Variants in EML4 observed in about 807,000 individuals in gnomAD.
EML4 encodes the protein EMAP like 4, also known as echinoderm microtubule-associated protein-like 4.
A neutral mutation model predicts 129.0 loss-of-function variants in EML4; 72 were observed. The ratio of observed to expected loss-of-function variants is 0.56; its 90% confidence interval spans 0.46 to 0.68. The LOEUF is 0.68. EML4 is among the 30% of genes least tolerant of loss of function. The pLI, the probability that EML4 is intolerant of heterozygous loss-of-function variation, is 0.00. For synonymous variants in EML4, 532 were observed against 405.0 expected (o/e 1.31, Z -3.77); for missense variants, 1,363 against 1,190.6 (o/e 1.14, Z -2.13).
intron 1 of EML4, among the ~76,000 whole-genome samples, chr2:42,211,641 A>T (rs149991651): frequency 6.6e-6 from 1 of 152,168 alleles, no homozygotes; most frequent in African/African-American, 2.4e-5. Context: ...TGAAAACTTT[A>T]TCCTTCCCGG....
At chr2:42,207,792 TA>T (rs1453659897) in intron 1 of EML4, 1 of 152,214 alleles carries the variant, frequency 6.6e-6, no homozygotes, top group African/African-American at 2.4e-5. Context: ...AATGCAAATT[TA>T]TAATATTAAA....
rs769871659 is a variant in EML4, at chr2:42,261,301, A to T, written c.512+7A>T. On this transcript the variant is annotated splice_region_variant and intron_variant, in intron 4 of 22. Coordinates refer to ENST00000318522, the MANE Select transcript of EML4 (RefSeq NM_019063.5). Reference sequence around the variant, plus strand: ...ATGCTACTCCCACCAAAAGGTTTTAACTGTCCCCAAGTACAGAGCTAGGGA... The same window carrying T: ...ATGCTACTCCCACCAAAAGGTTTTATCTGTCCCCAAGTACAGAGCTAGGGA... 6.2e-7 allele frequency: 1 copy of T among 1,610,432 alleles called. No homozygotes were observed. Among genetic ancestry groups the T allele is most frequent in the African/African-American group, 1.3e-5 (1 of 74,836 alleles).
At chr2:42,247,544 C>G (rs990808342) in intron 2 of EML4, among the ~76,000 whole-genome samples, 1 of 151,984 alleles carries the variant, frequency 6.6e-6, no homozygotes, top group African/African-American at 2.4e-5. Flanking sequence ...TGATCTTTTT[C>G]ATTAGTGATA....
intron 18 of EML4, 39 bp from the exon 19 acceptor site, chr2:42,317,388 G>A: frequency 2.4e-6 from 3 of 1,233,538 alleles, no homozygotes; most frequent in Non-Finnish European, 3.5e-6. Flanking sequence ...AAATTTATCA[G>A]TATATTTCTC....
chr2:42,199,982 C>T (rs1672121979), intron 1 of EML4, among the ~76,000 whole-genome samples: 1 of 151,930 alleles, frequency 6.6e-6, no homozygotes, highest in Non-Finnish European at 1.5e-5. Flanking sequence ...ATGAGATGAA[C>T]AGTGGCCGGG....
At chr2:42,241,741 C>G (rs1265889156) in intron 1 of EML4, among the ~76,000 whole-genome samples, 1 of 152,080 alleles carries the variant, frequency 6.6e-6, no homozygotes, top group Admixed American at 6.6e-5. Context: ...ATAAAAGGCA[C>G]ATAAGGTGAG....
In EML4 at chr2:42,275,273, TC is replaced by T. The variant is rs148741768; in HGVS notation, c.668-5576del. Reference sequence around the variant, plus strand: ...TTACTTTTCCTTTCATACTAAGTCTTCAAAATCTGGTTTGTATATTTCCAGT... The same window carrying T: ...TTACTTTTCCTTTCATACTAAGTCTTAAAATCTGGTTTGTATATTTCCAGT... On this transcript the variant is annotated intron_variant, in intron 6 of 22. Transcript: ENST00000318522. 8.9e-4 allele frequency among the ~76,000 whole-genome samples: 135 copies of T among 152,308 alleles called. 1 individual carries two copies. Among genetic ancestry groups the T allele is most frequent in the African/African-American group, 2.9e-3 (122 of 41,560 alleles).
chr2:42,204,218 CCTAT>C (rs1251217214), intron 1 of EML4, among the ~76,000 whole-genome samples: 6 of 152,108 alleles, frequency 3.9e-5, no homozygotes, highest in East Asian at 1.9e-4. Flanking sequence ...CCATACCTGG[CCTAT>C]CTTTCTTTAA....
chr2:42,297,096 C>T (rs937444968), intron 13 of EML4, among the ~76,000 whole-genome samples: 1 of 152,166 alleles, frequency 6.6e-6, no homozygotes, highest in Non-Finnish European at 1.5e-5. Context: ...TTCTTAGCCT[C>T]TTTCGTTCAG....
At chr2:42,172,073 A>T (rs1313522913) in intron 1 of EML4, among the ~76,000 whole-genome samples, 1 of 150,976 alleles carries the variant, frequency 6.6e-6, no homozygotes, top group East Asian at 1.9e-4. Context: ...TTTTTTTTTT[A>T]AACAAGAAGT....
chr2:42,266,879 A>G (rs78065754), intron 6 of EML4, among the ~76,000 whole-genome samples: 3,976 of 152,292 alleles, frequency 0.026, 67 homozygotes, highest in Non-Finnish European at 0.041. Flanking sequence ...AAATTGAAAT[A>G]TAGTGGCATC....
intron 19 of EML4, among the ~76,000 whole-genome samples, chr2:42,322,271 A>G (rs1277158863): frequency 6.6e-6 from 1 of 152,236 alleles, no homozygotes; most frequent in African/African-American, 2.4e-5. Flanking sequence ...ATTAAAGGCA[A>G]TTCAGTTCCC....
rs1250434659 is a variant in EML4 at position 42,301,285 on chromosome 2, G to A, written c.1534G>A (p.Val512Met). The change falls in exon 14 of 23, where the codon GTG becomes ATG. Residue 512 changes from valine to methionine, a missense_variant. Physicochemically the swap from Val to Met is conservative, Grantham distance 21 (BLOSUM62 1). Transcript: ENST00000318522. ...ACAAATCAAAGCTCATGATGGCAGTGTGTTCACACTTTGTCAGATGAGAAA... is the reference window on the plus strand; with the variant it reads ...ACAAATCAAAGCTCATGATGGCAGTATGTTCACACTTTGTCAGATGAGAAA... ...SKQIKAHDGS[V>M]FTLCQMRNGM... 2 of 1,613,132 alleles carry A rather than the reference G, an allele frequency of 1.2e-6. No homozygotes were observed. The highest frequency in any genetic ancestry group is 1.7e-6 in the Non-Finnish European group (2 of 1,179,580).
At chr2:42,238,478 C>T (rs931769717) in intron 1 of EML4, among the ~76,000 whole-genome samples, 1 of 152,144 alleles carries the variant, frequency 6.6e-6, no homozygotes. Context: ...TGCAGTGGCT[C>T]ATGCCTGTAA....
intron 1 of EML4, among the ~76,000 whole-genome samples, chr2:42,233,606 C>G (rs1043125167): frequency 6.6e-6 from 1 of 152,058 alleles, no homozygotes; most frequent in African/African-American, 2.4e-5. Context: ...CGCACCCAGC[C>G]CCTATTACAG....
In EML4 at chr2:42,295,184, T is replaced by G. The variant is rs1667872723; in HGVS notation, c.1278T>G (p.Ile426Met). ...ACCCAACAGATGCAAATACCATAAT[T>G]ACATGCGGTAAATCTCATATTTTCT... The part of the protein sequence containing the change: ...EFHPTDANTI[I>M]TCGKSHIFFW... Residue 426 changes from isoleucine to methionine, a missense_variant, in exon 12 of 23, where the codon ATT (isoleucine) becomes ATG (methionine). Ile to Met is a conservative substitution (Grantham distance 10). Coordinates refer to ENST00000318522, the MANE Select transcript of EML4 (RefSeq NM_019063.5). 8.1e-6 allele frequency: 13 copies of G among 1,613,158 alleles called. No homozygotes were observed. The highest frequency in any genetic ancestry group is 1.1e-5 in the Non-Finnish European group (13 of 1,179,732).
chr2:42,186,714 AAAC>A (rs749342374), intron 1 of EML4, among the ~76,000 whole-genome samples: 4 of 152,214 alleles, frequency 2.6e-5, no homozygotes, highest in Admixed American at 6.5e-5. Context: ...CTTTGTTTTA[AAAC>A]AACATTAGAG....
At chr2:42,244,065 GTTTT>G (rs201319599) in intron 1 of EML4, among the ~76,000 whole-genome samples, 45,420 of 143,558 alleles carry the variant, frequency 0.32, 7,755 homozygotes, top group East Asian at 0.56. Flanking sequence ...AGCAATTAAT[GTTTT>G]TTTTGTTTTT....
intron 1 of EML4, among the ~76,000 whole-genome samples, chr2:42,209,988 A>G (rs1672789848): frequency 6.6e-6 from 1 of 152,148 alleles, no homozygotes; most frequent in Non-Finnish European, 1.5e-5. Context: ...CATTTAGAAC[A>G]GTTTTACATT....
Sources: allele counts gnomAD v4.1 joint callset (sites outside exome capture counted in the v4.1 genomes callset), GRCh38; gene constraint gnomAD v4.1.1; transcripts MANE v1.5; gene names NCBI Gene and HGNC (gene_info 2026-07-23, HGNC 2026-07-21).